Variants in EP300 observed in about 807,000 individuals in gnomAD.
The protein encoded by EP300 is histone acetyltransferase p300.
EP300 carries 31 observed loss-of-function variants against 264.0 expected under a neutral mutation model. The ratio of observed to expected loss-of-function variants is 0.12; its 90% CI spans 0.09 to 0.16. The LOEUF (loss-of-function observed/expected upper bound fraction) is 0.16, where lower values mean the gene tolerates loss of function less well. Ranked by LOEUF, EP300 falls within the 10% of genes least tolerant of loss-of-function variation. The pLI is 1.00. For missense variants in EP300, 2,766 were observed against 3,052.9 expected, an observed-to-expected ratio of 0.91 and a Z score of 2.21; for synonymous variants, 1,340 against 1,045.4, an observed-to-expected ratio of 1.28 and a Z score of -5.44.
In EP300 at chr22:41,117,308, A is replaced by C. The variant is rs2058826815; in HGVS notation, c.216A>C (p.Gln72His). The C allele has an allele frequency of 6.2e-7, 1 of 1,614,210 alleles. No individual in the cohort carries two copies. The highest frequency in any genetic ancestry group is 8.5e-7 in the Non-Finnish European group (1 of 1,180,038). Residue 72 changes from glutamine (Q) to histidine (H), a missense_variant, in exon 2 of 31, where the codon CAA (glutamine) becomes CAC (histidine). Gln to His is a conservative substitution (Grantham distance 24). Transcript: ENST00000263253. The stretch of plus-strand genomic sequence containing the variant: ...TTCAGACAAGTCTTGGCATGGTACA[A>C]GATGCAGCTTCTAAACATAAACAGC... ...NQLQTSLGMV[Q>H]DAASKHKQLS...
At chr22:41,170,696 C>G in intron 27 of EP300, 125 bp downstream of exon 27, 2 of 1,041,044 alleles carry the variant, frequency 1.9e-6, no homozygotes, top group Non-Finnish European at 2.7e-6. Context: ...GAGTCTCGCT[C>G]TGTCACGCAG....
At chr22:41,093,315 GTGTT>G (rs1478007227) in intron 1 of EP300, among the ~76,000 whole-genome samples, 2 of 152,150 alleles carry the variant, frequency 1.3e-5, no homozygotes, top group African/African-American at 4.8e-5. Context: ...ATATCGGTGT[GTGTT>G]CTGGAATTAG....
chr22:41,123,162 G>C (rs777993599), intron 2 of EP300, among the ~76,000 whole-genome samples: 2 of 152,134 alleles, frequency 1.3e-5, no homozygotes, highest in Non-Finnish European at 2.9e-5. Context: ...TCTTAGTTAG[G>C]TTGTACTATC....
Position 41,100,975 on chromosome 22 carries a change from G to A in EP300, c.94+7877G>A, listed in dbSNP as rs575703049. ...TCTTGTATACGTAAGTAATAGAAAT[G>A]AAAATCAGCAGATAGTTAAGGCATA... On this transcript the variant is annotated intron_variant, in intron 1 of 30. Coordinates refer to ENST00000263253, the MANE Select transcript of EP300 (RefSeq NM_001429.4). Among the ~76,000 whole-genome samples, 6 of 152,258 alleles carry A rather than the reference G, an allele frequency of 3.9e-5. No homozygotes were observed. The East Asian group carries it at 1.2e-3, about 29-fold the overall frequency.
At chr22:41,137,556 A>G (rs2058958891) in intron 7 of EP300, 97 bp from the exon 8 acceptor site, 2 of 1,501,052 alleles carry the variant, frequency 1.3e-6, no homozygotes, top group African/African-American at 1.4e-5. Flanking sequence ...GTGACATAGC[A>G]TATTGATTCC....
chr22:41,131,276 A>C (rs1011667560), intron 5 of EP300, 112 bp from the exon 6 acceptor site: 2 of 1,186,512 alleles, frequency 1.7e-6, no homozygotes, highest in Non-Finnish European at 2.5e-6. Flanking sequence ...CCACATACTC[A>C]GATGTTTCAT....
In EP300 at chr22:41,141,101, A is replaced by G; in HGVS notation, c.1932A>G (p.Leu644=). The change falls in exon 10 of 31, where the codon CTA becomes CTG. Residue 644 remains leucine (L), a synonymous_variant. Transcript: ENST00000263253. The part of the protein sequence containing the change: ...AEKIYKIQKE[L]EEKRRTRLQK... ...AAATCTATAAGATCCAGAAAGAACT[A>G]GAAGAAAAACGAAGGACCAGACTAC... 6.2e-7 allele frequency: 1 copy of G among 1,614,196 alleles called. No individual in the cohort carries two copies. Among genetic ancestry groups the G allele is most frequent in the Non-Finnish European group, 8.5e-7 (1 of 1,180,016 alleles).
chr22:41,134,662 TTGTG>T (rs1360467017), intron 6 of EP300, among the ~76,000 whole-genome samples: 2 of 151,878 alleles, frequency 1.3e-5, no homozygotes, highest in African/African-American at 2.4e-5. Context: ...CCAAAGCAGT[TTGTG>T]TTTTTCGTTA....
At chr22:41,147,737 C>CAAAA in intron 11 of EP300, 100 bp from the exon 12 acceptor site, 1 of 760,394 alleles carries the variant, frequency 1.3e-6, no homozygotes, top group Non-Finnish European at 2.1e-6. Context: ...GACTCCGTCT[C>CAAAA]AAAAAAAAAA....
At chr22:41,144,322 T>C (rs2058998863) in intron 10 of EP300, among the ~76,000 whole-genome samples, 1 of 152,138 alleles carries the variant, frequency 6.6e-6, no homozygotes, top group Non-Finnish European at 1.5e-5. Flanking sequence ...GATGGACATT[T>C]TTGTTTGTGT....
At position 41,092,906 on chromosome 22, in the gene EP300, C is replaced by T; in HGVS notation, c.-99C>T. 1.4e-6 allele frequency: 2 copies of T among 1,397,250 alleles called. No individual in the cohort carries two copies. Among genetic ancestry groups the T allele is most frequent in the South Asian group, 1.2e-5 (1 of 86,706 alleles). The allele number at this position is 1,397,250 out of a possible 1,614,324, so 86.6% of individuals were successfully genotyped here. On this transcript the variant is annotated 5_prime_UTR_variant, in exon 1 of 31. Transcript: ENST00000263253. ...ACCCCCTCGGGTGCCGTCGGAGCCC[C>T]CCAGCCCACCCCTGGGTGCGGCGCG... is the stretch of plus-strand genomic sequence containing the variant.
chr22:41,157,068 T>G lies in EP300; in HGVS notation c.3262-101T>G, dbSNP rs1447939236. 7 of 1,494,542 alleles carry G rather than the reference T, an allele frequency of 4.7e-6. No individual in the cohort carries two copies. The African/African-American group carries it at 9.7e-5, about 21-fold the overall frequency. The allele number at this position is 1,494,542 out of a possible 1,614,324, so 92.6% of individuals were successfully genotyped here. A position where few individuals can be genotyped will look rare whatever the true frequency, so the allele number is the denominator to read the frequency against. On this transcript the variant is annotated intron_variant, in intron 17 of 30. Transcript: ENST00000263253. ...TGGGGAATATAGACAGGCCAGAAAC[T>G]AAAACACTGCCTGGAAAATTAACAA...
rs35023864 is a variant in EP300, at chr22:41,148,163, C to T, written c.2241+217C>T. On this transcript the variant is annotated intron_variant, in intron 12 of 30. Coordinates refer to ENST00000263253, the MANE Select transcript of EP300 (RefSeq NM_001429.4). ...GTGTCAGTGTTTAGTGGCCTGCATGCGTTTTCACGGTCACTTCTCTTCCCT... is the reference window on the plus strand; with the variant it reads ...GTGTCAGTGTTTAGTGGCCTGCATGTGTTTTCACGGTCACTTCTCTTCCCT... Among the ~76,000 whole-genome samples the T allele has an allele frequency of 0.074, 11,198 of 152,232 alleles. 552 individuals carry two copies. The highest frequency in any genetic ancestry group is 0.17 in the East Asian group (874 of 5,180).
At chr22:41,130,536 A>G (rs1349771302) in intron 5 of EP300, among the ~76,000 whole-genome samples, 1 of 129,102 alleles carries the variant, frequency 7.7e-6, no homozygotes, top group Non-Finnish European at 1.8e-5. Context: ...CTTTAAAAAA[A>G]ACAAAACAAA....
In EP300 at chr22:41,151,911, G is replaced by A. The variant is rs2145739899; in HGVS notation, c.2896G>A (p.Ala966Thr). 2 of 1,613,916 alleles carry A rather than the reference G, an allele frequency of 1.2e-6. No homozygotes were observed. Among genetic ancestry groups the A allele is most frequent in the Non-Finnish European group, 1.7e-6 (2 of 1,179,900 alleles). ...TAGTAGCACAGAAGTGAATTCTCAG[G>A]CCATTGCTGAGAAGCAGCCTTCCCA... ...STSSTEVNSQ[A>T]IAEKQPSQEV... The change falls in exon 15 of 31, where the codon GCC (alanine) becomes ACC (threonine). Residue 966 changes from alanine to threonine, a missense_variant. Coordinates refer to ENST00000263253, the MANE Select transcript of EP300 (RefSeq NM_001429.4).
At chr22:41,155,294 T>C (rs1271010255) in intron 17 of EP300, among the ~76,000 whole-genome samples, 181 bp downstream of exon 17, 1 of 152,110 alleles carries the variant, frequency 6.6e-6, no homozygotes, top group Non-Finnish European at 1.5e-5. Flanking sequence ...AGTGGCACGA[T>C]CGTGGCTCAC....
At position 41,117,727 on chromosome 22, in the gene EP300, T is replaced by C. The variant is rs778437552; in HGVS notation, c.635T>C (p.Met212Thr). Reference sequence around the variant, plus strand: ...AATATGCAGTACCCAAACCCAGGCATGGGAAGTGCTGGCAACTTACTGACT... The same window carrying C: ...AATATGCAGTACCCAAACCCAGGCACGGGAAGTGCTGGCAACTTACTGACT... Reference protein sequence around the residue: ...RQNMQYPNPGMGSAGNLLTEP... With the variant: ...RQNMQYPNPGTGSAGNLLTEP... The change falls in exon 2 of 31, where the codon ATG (methionine) becomes ACG (threonine). Residue 212 changes from methionine to threonine, a missense_variant. By Grantham distance (81) the Met-to-Thr change is moderately conservative. Transcript: ENST00000263253. 4 of 1,614,198 alleles carry C rather than the reference T, an allele frequency of 2.5e-6. No homozygotes were observed. The Admixed American group carries it at 5.0e-5, about 20-fold the overall frequency.
At chr22:41,167,582 G>GTATATATATATATA (rs1191403968) in intron 23 of EP300, among the ~76,000 whole-genome samples, 2 of 21,686 alleles carry the variant, frequency 9.2e-5, no homozygotes, top group Admixed American at 4.4e-4. Flanking sequence ...GTGTGTGTGT[G>GTATATATATATATA]TGTATATATA....
At chr22:41,122,154 CTTCTTTTTTTTTTT>C in intron 2 of EP300, among the ~76,000 whole-genome samples, 1 of 97,254 alleles carries the variant, frequency 1.0e-5, no homozygotes, top group Non-Finnish European at 2.2e-5. Flanking sequence ...CTTTCTTCTT[CTTCTTTTTTTTTTT>C]TTTTTTTTTT....
Sources: gnomAD v4.1 joint callset for allele counts (sites outside exome capture counted in the v4.1 genomes callset) on GRCh38, gnomAD v4.1.1 for gene constraint, MANE v1.5 for transcripts, NCBI Gene and HGNC (gene_info 2026-07-23, HGNC 2026-07-21) for gene names.